Variants in TMEM132D observed in about 807,000 individuals in gnomAD.
TMEM132D encodes mature OL transmembrane protein.
Under a neutral mutation model 62.3 loss-of-function variants are expected in TMEM132D, and 21 were observed. The observed-to-expected ratio is 0.34, with a 90% CI of 0.24 to 0.49. The LOEUF is 0.49. Among genes scored for constraint, TMEM132D ranks in the 20% least tolerant of loss-of-function variants. The pLI, the probability that TMEM132D is intolerant of heterozygous loss-of-function variation, is 0.99. For synonymous variants in TMEM132D, 621 were observed against 575.6 expected, an observed-to-expected ratio of 1.08 and a Z score of -1.13; for missense variants, 1,346 against 1,402.8, an observed-to-expected ratio of 0.96 and a Z score of 0.65.
intron 4 of TMEM132D, among the ~76,000 whole-genome samples, chr12:129,335,432 C>T (rs1270641387): frequency 6.6e-6 from 1 of 152,162 alleles, no homozygotes; most frequent in Non-Finnish European, 1.5e-5. Flanking sequence ...GCCACCGCAC[C>T]TAGTCTAAGT....
intron 3 of TMEM132D, among the ~76,000 whole-genome samples, chr12:129,396,466 G>T (rs1277242572): frequency 6.6e-6 from 1 of 152,224 alleles, no homozygotes; most frequent in African/African-American, 2.4e-5. Flanking sequence ...ATCCATAAGA[G>T]AAATTGGCTT....
At chr12:129,293,068 C>T (rs185746099) in intron 4 of TMEM132D, among the ~76,000 whole-genome samples, 104 of 152,184 alleles carry the variant, frequency 6.8e-4, no homozygotes, top group African/African-American at 2.2e-3. Flanking sequence ...TGGAGGGTAT[C>T]CAGAGAGAGA....
rs1405131846 is a variant in TMEM132D, at chr12:129,614,116, T to C, written c.969-82911A>G. The stretch of plus-strand genomic sequence containing the variant: ...ACTGTCTCCATAACCTAGGCGACTG[T>C]CTCCAGAACCCAGGGTACTGTCTGG... On this transcript the variant is annotated intron_variant, in intron 2 of 8. Coordinates refer to ENST00000422113, the MANE Select transcript of TMEM132D (RefSeq NM_133448.3). Among the ~76,000 whole-genome samples, 3 of 149,490 alleles carry C rather than the reference T, an allele frequency of 2.0e-5. No individual in the cohort carries two copies. The East Asian group carries it at 6.0e-4, about 30-fold the overall frequency.
rs116433992 is a variant in TMEM132D, at chr12:129,126,018, T to C, written c.1444-41316A>G. Among the ~76,000 whole-genome samples, 1,368 of 152,312 alleles carry C rather than the reference T, an allele frequency of 9.0e-3. 21 individuals are homozygous for C. The highest frequency in any genetic ancestry group is 0.031 in the African/African-American group (1,287 of 41,576). On this transcript the variant is annotated intron_variant, in intron 5 of 8. Transcript: ENST00000422113. ...GAGAACATTCCCGGGGGGCCAGCTATGCCCAACCTGAGCACCCCTCTTTTT... is the reference window on the plus strand; with the variant it reads ...GAGAACATTCCCGGGGGGCCAGCTACGCCCAACCTGAGCACCCCTCTTTTT...
intron 1 of TMEM132D, among the ~76,000 whole-genome samples, chr12:129,763,151 C>T (rs1870438803): frequency 6.6e-6 from 1 of 152,170 alleles, no homozygotes; most frequent in African/African-American, 2.4e-5. Flanking sequence ...AATCTCAGCT[C>T]ATTGCAGCCT....
Position 129,573,285 on chromosome 12 carries a change from T to C in TMEM132D, c.969-42080A>G, listed in dbSNP as rs544730938. On this transcript the variant is annotated intron_variant, in intron 2 of 8. Coordinates refer to ENST00000422113, the MANE Select transcript of TMEM132D (RefSeq NM_133448.3). ...GGAGAGGAAGCCCACAGGGGACCAC[T>C]CCAGGGAGAGCTGAGATGAAAGCTC... Among the ~76,000 whole-genome samples, 369 of 152,232 alleles carry C rather than the reference T, an allele frequency of 2.4e-3. 2 individuals are homozygous for C. Among genetic ancestry groups the C allele is most frequent in the African/African-American group, 8.5e-3 (355 of 41,548 alleles).
chr12:129,473,318 GTTTTTGTTTTTT>G (rs1874150838), intron 3 of TMEM132D, among the ~76,000 whole-genome samples: 1 of 57,784 alleles, frequency 1.7e-5, no homozygotes, highest in South Asian at 7.0e-4. Flanking sequence ...AGTGATTTTA[GTTTTTGTTTTTT>G]TTTTTTTTTT....
intron 1 of TMEM132D, among the ~76,000 whole-genome samples, chr12:129,812,257 C>T (rs1872208824): frequency 6.6e-6 from 1 of 151,596 alleles, no homozygotes; most frequent in Non-Finnish European, 1.5e-5. Context: ...CCTTAACCGA[C>T]CTCTCTCTGT....
At chr12:129,473,318 G>GTTTT (rs1441231858) in intron 3 of TMEM132D, among the ~76,000 whole-genome samples, 110 of 57,756 alleles carry the variant, frequency 1.9e-3, no homozygotes, top group African/African-American at 3.0e-3. Context: ...AGTGATTTTA[G>GTTTT]TTTTTGTTTT....
chr12:129,327,991 C>A (rs10773635), intron 4 of TMEM132D, among the ~76,000 whole-genome samples: 95,426 of 151,876 alleles, frequency 0.63, 30,221 homozygotes, highest in Non-Finnish European at 0.67. Flanking sequence ...CCTTTTTCCA[C>A]TCGAAAGCAC....
intron 1 of TMEM132D, among the ~76,000 whole-genome samples, chr12:129,728,710 T>C (rs1297835717): frequency 1.3e-5 from 2 of 152,204 alleles, no homozygotes; most frequent in African/African-American, 2.4e-5. Context: ...AACCCCAGGG[T>C]TTCCTTCACC....
intron 4 of TMEM132D, among the ~76,000 whole-genome samples, chr12:129,265,662 T>C (rs1880669052): frequency 6.6e-6 from 1 of 152,028 alleles, no homozygotes; most frequent in South Asian, 2.1e-4. Flanking sequence ...TGTCCTGGCC[T>C]GCTTGGGGCT....
Position 129,074,904 on chromosome 12 carries a change from A to C in TMEM132D, c.2271T>G (p.Ala757=). ...GGGTGCCTTGTCCTTCTGTTTCCGCAGCAATGATAGGCCACTTGAATTTGG... is the reference window on the plus strand; with the variant it reads ...GGGTGCCTTGTCCTTCTGTTTCCGCCGCAATGATAGGCCACTTGAATTTGG... ...QDPKFKWPII[A]AETEGQGTLV... Residue 757 remains alanine, a synonymous_variant, in exon 9 of 9, where the codon GCT becomes GCG. Coordinates refer to ENST00000422113, the MANE Select transcript of TMEM132D (RefSeq NM_133448.3). The C allele has an allele frequency of 2.5e-6, 4 of 1,613,616 alleles. No individual in the cohort carries two copies. The highest frequency in any genetic ancestry group is 3.4e-6 in the Non-Finnish European group (4 of 1,179,896).
chr12:129,077,880 GAC>G (rs34033581), intron 8 of TMEM132D, among the ~76,000 whole-genome samples: 35,712 of 151,432 alleles, frequency 0.24, 4,274 homozygotes, highest in East Asian at 0.38. Flanking sequence ...TGCATACACA[GAC>G]ACACAAAAAC....
intron 5 of TMEM132D, among the ~76,000 whole-genome samples, chr12:129,180,741 A>G (rs1417602707): frequency 6.6e-6 from 1 of 151,392 alleles, no homozygotes; most frequent in East Asian, 2.0e-4. Context: ...GACAGGAGAA[A>G]GACAGGGCTA....
At chr12:129,131,190 T>TATGTATGCAC in intron 5 of TMEM132D, among the ~76,000 whole-genome samples, 1 of 152,210 alleles carries the variant, frequency 6.6e-6, no homozygotes, top group Non-Finnish European at 1.5e-5. Context: ...TATGTATGCA[T>TATGTATGCAC]AAGTATGTAT....
At position 129,700,518 on chromosome 12, in the gene TMEM132D, G is replaced by A. The variant is rs1458881786; in HGVS notation, c.260C>T (p.Ser87Phe). The A allele has an allele frequency of 6.2e-7, 1 of 1,614,116 alleles. No individual in the cohort carries two copies. The highest frequency in any genetic ancestry group is 8.5e-7 in the Non-Finnish European group (1 of 1,180,032). The change falls in exon 2 of 9, where the codon TCC becomes TTC. Residue 87 changes from serine to phenylalanine, a missense_variant. Ser to Phe is a radical substitution (Grantham distance 155). Coordinates refer to ENST00000422113, the MANE Select transcript of TMEM132D (RefSeq NM_133448.3). Reference sequence around the variant, plus strand: ...GGCATTGAGGACAGGCAGCCTCCTGGATTTGTAAATCAGAAATGACTCCAC... The same window carrying A: ...GGCATTGAGGACAGGCAGCCTCCTGAATTTGTAAATCAGAAATGACTCCAC... ...SRVESFLIYK[S>F]RRLPVLNASY...
At chr12:129,772,523 A>G (rs187572149) in intron 1 of TMEM132D, among the ~76,000 whole-genome samples, 5 of 152,350 alleles carry the variant, frequency 3.3e-5, no homozygotes, top group African/African-American at 9.6e-5. Flanking sequence ...TCCTATCAAC[A>G]TAACATTTGC....
intron 5 of TMEM132D, chr12:129,085,476 G>A (rs1286854181): frequency 6.6e-6 from 1 of 152,290 alleles, no homozygotes; most frequent in East Asian, 1.9e-4. Context: ...ACCTCCTGCT[G>A]GTTTTCCAAA....
Sources: gnomAD v4.1 joint callset for allele counts (sites outside exome capture counted in the v4.1 genomes callset) on GRCh38, gnomAD v4.1.1 for gene constraint, MANE v1.5 for transcripts, NCBI Gene and HGNC (gene_info 2026-07-23, HGNC 2026-07-21) for gene names.